Variants in OR13A1 observed in about 807,000 individuals in gnomAD.
OR13A1 encodes olfactory receptor family 13 subfamily A member 1.
A neutral mutation model predicts 7.5 loss-of-function variants in OR13A1; 10 were observed. The observed-to-expected ratio is 1.34, with a 90% CI of 0.83 to 2.27. The LOEUF (loss-of-function observed/expected upper bound fraction) is 2.27, where lower values mean the gene tolerates loss of function less well. OR13A1 is among the 30% of genes most tolerant of loss of function. OR13A1 has a pLI of 0.00. For synonymous variants in OR13A1, 238 were observed against 177.9 expected (o/e 1.34, Z -2.69); for missense variants, 509 against 419.1 (o/e 1.21, Z -1.87).
chr10:45,304,995 C>T (rs1307077711), intron 3 of OR13A1, among the ~76,000 whole-genome samples: 2 of 152,114 alleles, frequency 1.3e-5, no homozygotes, highest in East Asian at 3.8e-4. Flanking sequence ...CTTTGGGAGG[C>T]CGAGGCAGGC....
chr10:45,312,147 C>A (rs999307467), intron 1 of OR13A1, among the ~76,000 whole-genome samples: 1 of 151,906 alleles, frequency 6.6e-6, no homozygotes, highest in Non-Finnish European at 1.5e-5. Flanking sequence ...TATAATTAGA[C>A]CCCATAAGGG....
At chr10:45,306,190 C>T (rs1838325654) in intron 3 of OR13A1, among the ~76,000 whole-genome samples, 1 of 152,176 alleles carries the variant, frequency 6.6e-6, no homozygotes, top group African/African-American at 2.4e-5. Context: ...CGTGGTGACT[C>T]ACGCCTGTAA....
Position 45,303,895 on chromosome 10 carries a change from G to A in OR13A1, c.528C>T (p.Ile176=), listed in dbSNP as rs369918481. The A allele has an allele frequency of 6.2e-7, 1 of 1,613,514 alleles. No homozygotes were observed. Among genetic ancestry groups the A allele is most frequent in the African/African-American group, 1.3e-5 (1 of 75,080 alleles). Reference sequence around the variant, plus strand: ...CCAAGCGCAGCATCAGCCCCGTGTGGATGGCCGTGTTGACGGCGCAGAGCA... The same window carrying A: ...CCAAGCGCAGCATCAGCCCCGTGTGAATGGCCGTGTTGACGGCGCAGAGCA... The part of the protein sequence containing the change: ...VWLLCAVNTA[I]HTGLMLRLDF... Residue 176 remains isoleucine (I), a synonymous_variant, in exon 4 of 4, where the codon ATC becomes ATT. Coordinates refer to ENST00000553795, the MANE Select transcript of OR13A1 (RefSeq NM_001004297.3).
At chr10:45,311,482 G>A (rs1198996885) in intron 1 of OR13A1, among the ~76,000 whole-genome samples, 1 of 152,020 alleles carries the variant, frequency 6.6e-6, no homozygotes, top group Non-Finnish European at 1.5e-5. Flanking sequence ...TTTTCTTTTA[G>A]GTATCCATAT....
chr10:45,307,837 T>C (rs1289079524), intron 1 of OR13A1, 29 bp from the exon 2 acceptor site: 3 of 152,238 alleles, frequency 2.0e-5, no homozygotes, highest in Non-Finnish European at 4.4e-5. Context: ...CATCTTGGAT[T>C]ACATTTATCA....
rs577816516 is a variant in OR13A1, at chr10:45,303,320, C to A, written c.*116G>T. 1.2e-5 allele frequency: 14 copies of A among 1,122,198 alleles called. No homozygotes were observed. Among genetic ancestry groups the A allele is most frequent in the East Asian group, 4.8e-5 (2 of 42,104 alleles). 69.5% of individuals were successfully genotyped at this position (1,122,198 alleles called of 1,614,324 possible). A position where few individuals can be genotyped will look rare whatever the true frequency, so the allele number is the denominator to read the frequency against. Reference sequence around the variant, plus strand: ...AACCAGCACTCCCAGCTCATCCATGCACAGGTTCTGCTGGGTTAGAAAAAA... The same window carrying A: ...AACCAGCACTCCCAGCTCATCCATGAACAGGTTCTGCTGGGTTAGAAAAAA... On this transcript the variant is annotated 3_prime_UTR_variant, in exon 4 of 4. Transcript: ENST00000553795.
intron 1 of OR13A1, among the ~76,000 whole-genome samples, chr10:45,311,798 C>G (rs900411633): frequency 2.0e-5 from 3 of 152,050 alleles, no homozygotes; most frequent in Non-Finnish European, 4.4e-5. Context: ...ACCTACATAA[C>G]AAACCTGCAC....
chr10:45,307,309 G>A (rs1227424995), intron 3 of OR13A1, 117 bp downstream of exon 3: 4 of 152,202 alleles, frequency 2.6e-5, no homozygotes, highest in African/African-American at 9.7e-5. Context: ...TCCACAATGA[G>A]ATTAGAAAAA....
chr10:45,304,553 A>G, intron 3 of OR13A1, 119 bp from the exon 4 acceptor site: 1 of 828,850 alleles, frequency 1.2e-6, no homozygotes, highest in South Asian at 1.8e-5. Context: ...TAAACACCCC[A>G]ATATTACAGT....
rs1838359202 is a variant in OR13A1, at chr10:45,307,580, A to G, written c.-154-13T>C. The G allele has an allele frequency of 6.6e-6, 1 of 152,222 alleles. No individual in the cohort carries two copies. Among genetic ancestry groups the G allele is most frequent in the African/African-American group, 2.4e-5 (1 of 41,452 alleles). 9.4% of individuals were successfully genotyped at this position (152,222 alleles called of 1,614,324 possible). ...CCAGTCATTTCTTCTGAAAAATAAC[A>G]AAGACCTTGCTCCCTTGAGTTTCAT... is the stretch of plus-strand genomic sequence containing the variant. On this transcript the variant is annotated splice_polypyrimidine_tract_variant and intron_variant, in intron 2 of 3. Transcript: ENST00000553795.
rs1421862072 is a variant in OR13A1, at chr10:45,303,286, G to C, written c.*150C>G. On this transcript the variant is annotated 3_prime_UTR_variant, in exon 4 of 4. Coordinates refer to ENST00000553795, the MANE Select transcript of OR13A1 (RefSeq NM_001004297.3). Reference sequence around the variant, plus strand: ...CCTACCGCAATCCCCCCATCACCAAGTCTCAGGGAACCAGCACTCCCAGCT... The same window carrying C: ...CCTACCGCAATCCCCCCATCACCAACTCTCAGGGAACCAGCACTCCCAGCT... 2.5e-6 allele frequency: 2 copies of C among 812,496 alleles called. No individual in the cohort carries two copies. Among genetic ancestry groups the C allele is most frequent in the East Asian group, 5.0e-5 (2 of 40,362 alleles). The allele number at this position is 812,496 out of a possible 1,614,324, so 50.3% of individuals were successfully genotyped here. A position where few individuals can be genotyped will look rare whatever the true frequency, so the allele number is the denominator to read the frequency against.
chr10:45,313,379 A>G (rs908627456), intron 1 of OR13A1, among the ~76,000 whole-genome samples: 2 of 152,136 alleles, frequency 1.3e-5, no homozygotes, highest in Admixed American at 1.3e-4. Flanking sequence ...AATAAAAAAC[A>G]AAATTTACAA....
At chr10:45,308,681 A>G (rs956445553) in intron 1 of OR13A1, 1 of 152,186 alleles carries the variant, frequency 6.6e-6, no homozygotes, top group Non-Finnish European at 1.5e-5. Flanking sequence ...ATGTCACTCA[A>G]TCACCATCCT....
intron 1 of OR13A1, among the ~76,000 whole-genome samples, chr10:45,312,407 T>C (rs1053537519): frequency 2.0e-5 from 3 of 151,922 alleles, no homozygotes; most frequent in Non-Finnish European, 4.4e-5. Flanking sequence ...AGAGTTTCTA[T>C]ACAATCAGTA....
intron 2 of OR13A1, 59 bp downstream of exon 2, chr10:45,307,679 CA>C (rs1838361604): frequency 6.6e-6 from 1 of 152,214 alleles, no homozygotes; most frequent in Non-Finnish European, 1.5e-5. Context: ...AACACAATTT[CA>C]GGTAATAAAT....
Position 45,304,204 on chromosome 10 carries a change from G to A in OR13A1, c.219C>T (p.Leu73=), listed in dbSNP as rs116488073. Residue 73 remains leucine (L), a synonymous_variant, in exon 4 of 4, where the codon CTC becomes CTT. Coordinates refer to ENST00000553795, the MANE Select transcript of OR13A1 (RefSeq NM_001004297.3). ...GTAAGAAAAAGTACATAGGAGCGTG[G>A]AGCCCAGGGTTGAACGTGATGGCCA... ...ITLAITFNPG[L]HAPMYFFLLN... is the part of the protein sequence containing the mutation. 12 of 1,614,182 alleles carry A rather than the reference G, an allele frequency of 7.4e-6. No individual in the cohort carries two copies. In the African/African-American group the frequency reaches 1.2e-4, roughly 16 times the overall value.
intron 1 of OR13A1, among the ~76,000 whole-genome samples, chr10:45,313,656 A>T (rs1838479638): frequency 6.6e-6 from 1 of 152,160 alleles, no homozygotes; most frequent in Non-Finnish European, 1.5e-5. Flanking sequence ...AAAGTCAAAA[A>T]TAGTCACAAG....
chr10:45,313,087 T>C (rs1838470485), intron 1 of OR13A1, among the ~76,000 whole-genome samples: 1 of 152,210 alleles, frequency 6.6e-6, no homozygotes, highest in South Asian at 2.1e-4. Flanking sequence ...TAAAAATAAC[T>C]ATAAAACTGT....
rs765319867 is a variant in OR13A1, at chr10:45,303,845, A to G, written c.578T>C (p.Ile193Thr). 4.3e-6 allele frequency: 7 copies of G among 1,612,688 alleles called. No homozygotes were observed. Among genetic ancestry groups the G allele is most frequent in the Non-Finnish European group, 2.5e-6 (3 of 1,180,042 alleles). Residue 193 changes from isoleucine (I) to threonine (T), a missense_variant, in exon 4 of 4, where the codon ATC becomes ACC. Physicochemically the swap from Ile to Thr is moderately conservative, Grantham distance 89 (BLOSUM62 -1). Coordinates refer to ENST00000553795, the MANE Select transcript of OR13A1 (RefSeq NM_001004297.3). ...RLDFCGPNVI[I>T]HFFCEVPPLL... is the part of the protein sequence containing the mutation. ...GGGAGGGACCTCGCAGAAGAAATGG[A>G]TAATGACATTGGGGCCACAGAAATC...
Sources: gnomAD v4.1 joint callset for allele counts (sites outside exome capture counted in the v4.1 genomes callset) on GRCh38, gnomAD v4.1.1 for gene constraint, MANE v1.5 for transcripts, NCBI Gene and HGNC (gene_info 2026-07-23, HGNC 2026-07-21) for gene names.